The following TSC1 variants were observed in gnomAD, a reference collection of about 807,000 sequenced individuals.
The protein encoded by TSC1 is hamartin.
A neutral mutation model predicts 124.3 loss-of-function variants in TSC1; 20 were observed. The observed-to-expected ratio is 0.16, with a 90% CI of 0.11 to 0.23. The LOEUF is 0.23. Among genes scored for constraint, TSC1 ranks in the 10% least tolerant of loss-of-function variants. The pLI is 1.00. For missense variants in TSC1, 1,124 were observed against 1,448.5 expected (o/e 0.78, Z 3.64); for synonymous variants, 493 against 539.1 (o/e 0.91, Z 1.19).
Position 132,923,571 on chromosome 9 carries a change from C to T in TSC1, c.364-79G>A. 6.3e-7 allele frequency: 1 copy of T among 1,590,468 alleles called. No individual in the cohort carries two copies. Among genetic ancestry groups the T allele is most frequent in the Non-Finnish European group, 8.6e-7 (1 of 1,160,646 alleles). ...CGGCATTGTACAGTACATGAAGAGG[C>T]TCTAAACACTGAGAGAATCACAAAT... is the stretch of plus-strand genomic sequence containing the variant. On this transcript the variant is annotated intron_variant, in intron 5 of 22. Transcript: ENST00000298552. The surrounding 1 kb of genome is among the most constrained non-coding windows in gnomAD (Gnocchi z 4.2).
chr9:132,944,487 C>A (rs1847966914), intron 1 of TSC1, 56 bp downstream of exon 1: 1 of 398,090 alleles, frequency 2.5e-6, no homozygotes, highest in African/African-American at 2.1e-5. Flanking sequence ...GTCATGGTGC[C>A]GGGGCTGCCC....
At position 132,906,981 on chromosome 9, in the gene TSC1, T is replaced by C; in HGVS notation, c.1334-146A>G. ...GGACATGGCTCTGTCCTGGGGATAC[T>C]ACAAAAGACTGAAATATTAAAAATA... On this transcript the variant is annotated intron_variant, in intron 13 of 22. Transcript: ENST00000298552. The surrounding 1 kb of genome is among the most constrained non-coding windows in gnomAD (Gnocchi z 4.1). 1 of 697,028 alleles carries C rather than the reference T, an allele frequency of 1.4e-6. No homozygotes were observed. Among genetic ancestry groups the C allele is most frequent in the East Asian group, 2.7e-5 (1 of 37,060 alleles). 43.2% of individuals were successfully genotyped at this position (697,028 alleles called of 1,614,324 possible).
chr9:132,918,328 C>G (rs933061799), intron 8 of TSC1, among the ~76,000 whole-genome samples: 4 of 152,148 alleles, frequency 2.6e-5, no homozygotes, highest in African/African-American at 4.8e-5. Context: ...TCCTTAAAAT[C>G]ATGAGGAACT....
intron 2 of TSC1, among the ~76,000 whole-genome samples, 186 bp from the exon 3 acceptor site, chr9:132,929,138 C>T (rs1847062990): frequency 6.6e-6 from 1 of 152,146 alleles, no homozygotes; most frequent in Non-Finnish European, 1.5e-5. Context: ...AATTCTTTGG[C>T]GAGTTTATGA....
rs988676197 is a variant in TSC1, at chr9:132,894,823, A to G, written c.*1412T>C. 7 of 231,108 alleles carry G rather than the reference A, an allele frequency of 3.0e-5. No individual in the cohort carries two copies. Among genetic ancestry groups the G allele is most frequent in the African/African-American group, 1.3e-4 (6 of 45,196 alleles). The allele number at this position is 231,108 out of a possible 1,614,324, so 14.3% of individuals were successfully genotyped here. Reference sequence around the variant, plus strand: ...CCTTCTATTCTTTTTAATGAAAGATAGAAACAGGAAAGCCAAGTTCACTGG... The same window carrying G: ...CCTTCTATTCTTTTTAATGAAAGATGGAAACAGGAAAGCCAAGTTCACTGG... On this transcript the variant is annotated 3_prime_UTR_variant, in exon 23 of 23. Transcript: ENST00000298552.
chr9:132,918,666 G>C (rs1846387653), intron 8 of TSC1, among the ~76,000 whole-genome samples: 1 of 152,100 alleles, frequency 6.6e-6, no homozygotes, highest in South Asian at 2.1e-4. Context: ...TCCCCCCAGA[G>C]GTAGTCAGAC....
At chr9:132,910,303 A>G (rs888411110) in intron 12 of TSC1, 81 of 125,572 alleles carry the variant, frequency 6.5e-4, no homozygotes, top group Non-Finnish European at 1.2e-3. Context: ...CCTGTCTCCA[A>G]AAAAAAAAAA....
chr9:132,937,306 G>A (rs1847505064), intron 1 of TSC1, among the ~76,000 whole-genome samples: 1 of 152,224 alleles, frequency 6.6e-6, no homozygotes, highest in Non-Finnish European at 1.5e-5. Context: ...AGCCAGGCGT[G>A]GTGGCACATG....
upstream of TSC1, chr9:132,944,798 T>G (rs1266636922): frequency 2.6e-6 from 1 of 392,064 alleles, no homozygotes; most frequent in South Asian, 1.4e-4. Flanking sequence ...AGAAAAAAAG[T>G]AAGGAGGGTT....
intron 9 of TSC1, 135 bp downstream of exon 9, chr9:132,912,147 C>G: frequency 9.6e-7 from 1 of 1,042,594 alleles, no homozygotes; most frequent in Non-Finnish European, 1.4e-6. Context: ...GAGGGACATG[C>G]AAATTTAAGA....
rs1588283843 is a variant in TSC1, at chr9:132,895,267, C to T, written c.*968G>A. 1 of 233,304 alleles carries T rather than the reference C, an allele frequency of 4.3e-6. No individual in the cohort carries two copies. Among genetic ancestry groups the T allele is most frequent in the Non-Finnish European group, 8.5e-6 (1 of 117,914 alleles). 14.5% of individuals were successfully genotyped at this position (233,304 alleles called of 1,614,324 possible). The stretch of plus-strand genomic sequence containing the variant: ...TCAGAGCCTTTCTGCTGCAGTGTCA[C>T]ATATAAGCTGACATGAACAAGAGGC... On this transcript the variant is annotated 3_prime_UTR_variant, in exon 23 of 23. Coordinates refer to ENST00000298552, the MANE Select transcript of TSC1 (RefSeq NM_000368.5).
chr9:132,907,246 C>A (rs1845718820), intron 13 of TSC1, 55 bp downstream of exon 13: 21 of 1,450,514 alleles, frequency 1.4e-5, no homozygotes, highest in Non-Finnish European at 2.0e-5. Flanking sequence ...TTCTTAAACA[C>A]ATATAACCCA....
intron 8 of TSC1, among the ~76,000 whole-genome samples, chr9:132,913,876 T>TTTTTGTTTTG (rs1270806799): frequency 4.8e-5 from 5 of 103,758 alleles, no homozygotes; most frequent in South Asian, 4.5e-4. Flanking sequence ...TCCCATGGGT[T>TTTTTGTTTTG]TTTTGTTTTG....
chr9:132,932,436 C>G (rs894171298), intron 2 of TSC1, among the ~76,000 whole-genome samples: 3 of 152,154 alleles, frequency 2.0e-5, no homozygotes, highest in Non-Finnish European at 4.4e-5. Flanking sequence ...AGCAGCCCCC[C>G]TCACTACTCT....
chr9:132,909,772 T>A (rs1267862074), intron 12 of TSC1: 1 of 152,232 alleles, frequency 6.6e-6, no homozygotes, highest in Non-Finnish European at 1.5e-5. Flanking sequence ...TTAATAAAAT[T>A]AATAATGGTT....
At chr9:132,901,801 C>T in intron 18 of TSC1, 102 bp from the exon 19 acceptor site, 1 of 965,126 alleles carries the variant, frequency 1.0e-6, no homozygotes, top group Non-Finnish European at 1.6e-6. Flanking sequence ...TGCCTTAGCT[C>T]AACGGCTCTA....
intron 8 of TSC1, among the ~76,000 whole-genome samples, chr9:132,920,759 C>T (rs1846508647): frequency 6.6e-6 from 1 of 152,012 alleles, no homozygotes. Flanking sequence ...GGAGCTGGGC[C>T]TCCCACAGCT....
intron 19 of TSC1, 105 bp from the exon 20 acceptor site, chr9:132,900,942 G>A: frequency 6.4e-7 from 1 of 1,554,302 alleles, no homozygotes. Flanking sequence ...TCAATGTTAA[G>A]GCAAAATAAA....
intron 16 of TSC1, among the ~76,000 whole-genome samples, chr9:132,904,111 C>T (rs1588305267): frequency 6.6e-6 from 1 of 152,292 alleles, no homozygotes. Context: ...TCTCAAGACA[C>T]TTCCTTCGCT....
Sources: gnomAD v4.1 joint callset for allele counts (sites outside exome capture counted in the v4.1 genomes callset) on GRCh38, gnomAD v4.1.1 for gene constraint, Gnocchi (gnomAD v3.1) non-coding constraint, MANE v1.5 for transcripts, NCBI Gene and HGNC (gene_info 2026-07-23, HGNC 2026-07-21) for gene names.